The following NUP35 variants were observed in gnomAD, a reference collection of about 807,000 sequenced individuals.
NUP35 encodes the protein nucleoporin NUP35.
In NUP35, 25 loss-of-function variants were observed where a neutral mutation model predicts 41.5. The observed-to-expected ratio is 0.60, with a 90% CI of 0.44 to 0.84. NUP35 has a LOEUF of 0.84. Ranked by LOEUF, NUP35 falls within the 40% of genes least tolerant of loss-of-function variation. NUP35 has a pLI of 0.00. For synonymous variants in NUP35, 149 were observed against 130.7 expected, an observed-to-expected ratio of 1.14 and a Z score of -0.96; for missense variants, 396 against 396.6, an observed-to-expected ratio of 1.00 and a Z score of 0.01.
chr2:183,151,737 A>C (rs1188238516), intron 5 of NUP35, 88 bp downstream of exon 5: 1 of 1,285,512 alleles, frequency 7.8e-7, no homozygotes, highest in East Asian at 2.3e-5. Context: ...AATGGAAAGA[A>C]GTGCATAGCA....
At chr2:183,127,554 C>T (rs1431623930) in intron 1 of NUP35, among the ~76,000 whole-genome samples, 3 of 152,100 alleles carry the variant, frequency 2.0e-5, no homozygotes, top group East Asian at 1.9e-4. Flanking sequence ...TGCATGGTTA[C>T]GGTTTTATCA....
intron 1 of NUP35, among the ~76,000 whole-genome samples, chr2:183,125,288 G>GC (rs1458284159): frequency 3.3e-5 from 5 of 151,748 alleles, no homozygotes; most frequent in African/African-American, 1.2e-4. Flanking sequence ...TTTTTTTCCT[G>GC]CTGAGTTTTG....
In NUP35 at chr2:183,128,551, A is replaced by G. The variant is rs1235932843; in HGVS notation, c.211+94A>G. 4.7e-5 allele frequency: 35 copies of G among 746,400 alleles called. 1 individual carries two copies. The South Asian group carries it at 7.5e-4, about 16-fold the overall frequency. The allele number at this position is 746,400 out of a possible 1,614,324, so 46.2% of individuals were successfully genotyped here. A position where few individuals can be genotyped will look rare whatever the true frequency, so the allele number is the denominator to read the frequency against. ...CTGAACCACATTGGAAGAAGAATTG[A>G]CTTGGGCCACACATAAAATACAGTA... On this transcript the variant is annotated intron_variant, in intron 2 of 8. Coordinates refer to ENST00000295119, the MANE Select transcript of NUP35 (RefSeq NM_138285.5).
At chr2:183,150,233 T>G (rs1409960292) in intron 4 of NUP35, among the ~76,000 whole-genome samples, 2 of 152,190 alleles carry the variant, frequency 1.3e-5, no homozygotes, top group Admixed American at 1.3e-4. Context: ...CTATCAAAGT[T>G]TTAGTCCTGT....
chr2:183,146,414 A>T (rs1685279008), intron 4 of NUP35, among the ~76,000 whole-genome samples: 1 of 152,130 alleles, frequency 6.6e-6, no homozygotes, highest in Non-Finnish European at 1.5e-5. Flanking sequence ...CTTATTGAAG[A>T]ATATATTTTA....
At chr2:183,158,803 A>G (rs1009621121) in intron 7 of NUP35, among the ~76,000 whole-genome samples, 1 of 152,182 alleles carries the variant, frequency 6.6e-6, no homozygotes, top group African/African-American at 2.4e-5. Context: ...TCATATTAAC[A>G]TTAACTGATA....
chr2:183,149,909 T>A (rs7558441), intron 4 of NUP35, among the ~76,000 whole-genome samples: 33,692 of 152,028 alleles, frequency 0.22, 4,688 homozygotes, highest in East Asian at 0.48. Flanking sequence ...ACCTTTTTTT[T>A]AATTTTTTTA....
intron 5 of NUP35, among the ~76,000 whole-genome samples, chr2:183,156,238 TTTG>T (rs1467779990): frequency 1.3e-5 from 2 of 152,198 alleles, no homozygotes; most frequent in Non-Finnish European, 2.9e-5. Context: ...ACCCAACCTA[TTTG>T]TTGTTTTTCT....
In NUP35 at chr2:183,130,475, C is replaced by T; in HGVS notation, c.269C>T (p.Pro90Leu). The change falls in exon 3 of 9, where the codon CCA becomes CTA. Residue 90 changes from proline to leucine, a missense_variant. Pro to Leu is a moderately conservative substitution (Grantham distance 98, BLOSUM62 -3). Coordinates refer to ENST00000295119, the MANE Select transcript of NUP35 (RefSeq NM_138285.5). ...PAHKDKSGAP[P>L]VRSIYDDISS... The stretch of plus-strand genomic sequence containing the variant: ...CATAAAGATAAAAGTGGCGCTCCAC[C>T]AGTTAGAAGTATATATGATGACATT... 6.2e-7 allele frequency: 1 copy of T among 1,612,146 alleles called. No homozygotes were observed. Among genetic ancestry groups the T allele is most frequent in the Non-Finnish European group, 8.5e-7 (1 of 1,179,602 alleles).
intron 4 of NUP35, among the ~76,000 whole-genome samples, chr2:183,150,217 C>A (rs779982437): frequency 6.6e-6 from 1 of 152,174 alleles, no homozygotes; most frequent in Non-Finnish European, 1.5e-5. Flanking sequence ...AAAATGCTAC[C>A]TTTTACTATC....
chr2:183,136,981 T>A (rs1282263178), intron 4 of NUP35, among the ~76,000 whole-genome samples: 1 of 151,958 alleles, frequency 6.6e-6, no homozygotes, highest in Non-Finnish European at 1.5e-5. Flanking sequence ...TCCCAGCTAC[T>A]TGGGAGGCTG....
intron 5 of NUP35, among the ~76,000 whole-genome samples, chr2:183,153,054 G>T (rs149684311): frequency 1.4e-3 from 214 of 152,282 alleles, no homozygotes; most frequent in African/African-American, 4.9e-3. Flanking sequence ...AAATGAGGAA[G>T]AAGCAAAAGC....
chr2:183,137,152 C>A (rs1183792377), intron 4 of NUP35, among the ~76,000 whole-genome samples: 1 of 152,122 alleles, frequency 6.6e-6, no homozygotes, highest in Non-Finnish European at 1.5e-5. Context: ...CATGATCAAA[C>A]ATCTAGAATG....
upstream of NUP35, chr2:183,124,301 AT>A: frequency 6.7e-7 from 1 of 1,493,840 alleles, no homozygotes; most frequent in Non-Finnish European, 8.9e-7. Context: ...ACTTTGCCCT[AT>A]TCCAAAATGG....
intron 4 of NUP35, among the ~76,000 whole-genome samples, chr2:183,135,753 A>G (rs983803011): frequency 6.6e-6 from 1 of 152,178 alleles, no homozygotes; most frequent in African/African-American, 2.4e-5. Flanking sequence ...AGTTCCAGCT[A>G]CTCGGAAGGC....
chr2:183,134,509 A>G (rs1043633543), intron 4 of NUP35, among the ~76,000 whole-genome samples: 11 of 151,850 alleles, frequency 7.2e-5, no homozygotes, highest in South Asian at 2.1e-4. Flanking sequence ...ATACACATTC[A>G]TTATCTTTCA....
At chr2:183,119,596 A>C (rs1372797143), upstream of NUP35, among the ~76,000 whole-genome samples, 1 of 152,206 alleles carries the variant, frequency 6.6e-6, no homozygotes, top group Non-Finnish European at 1.5e-5. Flanking sequence ...AGAGCTGTTC[A>C]CAAGAGAATG....
chr2:183,122,116 C>T (rs1260367617), upstream of NUP35, among the ~76,000 whole-genome samples: 1 of 149,544 alleles, frequency 6.7e-6, no homozygotes, highest in Non-Finnish European at 1.5e-5. Context: ...CTCGCTCTGT[C>T]GCCAGGCTGG....
intron 4 of NUP35, among the ~76,000 whole-genome samples, chr2:183,146,715 G>T (rs1234292141): frequency 1.3e-5 from 2 of 151,958 alleles, no homozygotes; most frequent in Non-Finnish European, 2.9e-5. Flanking sequence ...TCTTGTCTCA[G>T]CTTCCCGAGT....
Sources: gnomAD v4.1 joint callset for allele counts (sites outside exome capture counted in the v4.1 genomes callset) on GRCh38, gnomAD v4.1.1 for gene constraint, MANE v1.5 for transcripts, NCBI Gene and HGNC (gene_info 2026-07-23, HGNC 2026-07-21) for gene names.